The following SLC12A7 variants were observed in gnomAD, a reference collection of about 807,000 sequenced individuals.
The protein encoded by SLC12A7 is K-Cl cotransporter 4.
Under a neutral mutation model 120.6 loss-of-function variants are expected in SLC12A7, and 100 were observed. That is an observed-to-expected ratio of 0.83 (90% CI 0.71 to 0.98). The LOEUF is 0.98. SLC12A7 is among the 50% of genes least tolerant of loss of function. The pLI is 0.00. For synonymous variants in SLC12A7, 760 were observed against 678.0 expected (o/e 1.12, Z -1.88); for missense variants, 1,373 against 1,548.1 (o/e 0.89, Z 1.90).
intron 15 of SLC12A7, among the ~76,000 whole-genome samples, chr5:1,074,970 C>T (rs573016680): frequency 1.9e-4 from 27 of 145,202 alleles, no homozygotes; most frequent in Non-Finnish European, 2.7e-4. Context: ...GGCTGGACCC[C>T]GGGCACGAGG....
At chr5:1,062,422 C>T (rs1736391625) in intron 20 of SLC12A7, among the ~76,000 whole-genome samples, 1 of 152,240 alleles carries the variant, frequency 6.6e-6, no homozygotes, top group African/African-American at 2.4e-5. Flanking sequence ...GAAGACACAG[C>T]CACATGGAAA....
intron 17 of SLC12A7, among the ~76,000 whole-genome samples, chr5:1,065,976 G>T (rs1215254950): frequency 1.3e-5 from 2 of 152,158 alleles, no homozygotes; most frequent in Admixed American, 6.5e-5. Context: ...GTTGGAGGGG[G>T]TCACTGCTGT....
chr5:1,095,447 C>T (rs1014632836), intron 1 of SLC12A7, among the ~76,000 whole-genome samples: 8 of 152,204 alleles, frequency 5.3e-5, no homozygotes, highest in Admixed American at 2.6e-4. Context: ...CCCACGCACC[C>T]CAGGGCCCTC....
the SLC12A7 span, among the ~76,000 whole-genome samples, chr5:1,128,655 C>T: frequency 6.6e-6 from 1 of 152,208 alleles, no homozygotes; most frequent in Non-Finnish European, 1.5e-5. Context: ...CCAGGTGGCC[C>T]ATGGGTATTG....
At chr5:1,138,561 G>A in the SLC12A7 span, among the ~76,000 whole-genome samples, 14 of 152,180 alleles carry the variant, frequency 9.2e-5, no homozygotes, top group African/African-American at 3.1e-4. Context: ...CTCCTCGTCT[G>A]TTTCTGATTT....
intron 4 of SLC12A7, 141 bp downstream of exon 4, chr5:1,088,841 T>C (rs1454277968): frequency 1.9e-6 from 2 of 1,072,988 alleles, no homozygotes; most frequent in African/African-American, 3.1e-5. Context: ...TACACGGGCG[T>C]CTGGGGAGGG....
chr5:1,064,881 CGAGGAGATGGT>C (rs1736812141), intron 18 of SLC12A7, among the ~76,000 whole-genome samples: 7 of 110,574 alleles, frequency 6.3e-5, no homozygotes, highest in African/African-American at 2.6e-4. Flanking sequence ...GAGGGGACGG[CGAGGAGATGGT>C]GAGGGGACCG....
At chr5:1,102,623 G>A (rs995586487) in intron 1 of SLC12A7, among the ~76,000 whole-genome samples, 4 of 152,178 alleles carry the variant, frequency 2.6e-5, no homozygotes, top group African/African-American at 7.2e-5. Context: ...GAGCAGTGGC[G>A]GGTGGCACCG....
intron 1 of SLC12A7, among the ~76,000 whole-genome samples, chr5:1,105,297 C>T (rs538292586): frequency 1.3e-5 from 2 of 148,950 alleles, no homozygotes; most frequent in African/African-American, 4.9e-5. Flanking sequence ...CAGTCACCCA[C>T]CAGTCAAAAG....
chr5:1,059,342 T>C (rs1735947316), intron 21 of SLC12A7, among the ~76,000 whole-genome samples: 1 of 152,198 alleles, frequency 6.6e-6, no homozygotes, highest in African/African-American at 2.4e-5. Context: ...TCAGCACATA[T>C]GGCCCCACAC....
rs780126009 is a variant in SLC12A7 at position 1,083,765 on chromosome 5, G to A, written c.1109C>T (p.Ala370Val). ...NVTEIQGIPG[A>V]ASGVFLENLW... Reference sequence around the variant, plus strand: ...CTCACCCAGGAAGACACCACTGGCCGCGCCCGGGATGCCCTGGATTTCGGT... The same window carrying A: ...CTCACCCAGGAAGACACCACTGGCCACGCCCGGGATGCCCTGGATTTCGGT... The change falls in exon 8 of 24, where the codon GCG becomes GTG. Residue 370 changes from alanine to valine, a missense_variant. Ala to Val is a moderately conservative substitution (Grantham distance 64, BLOSUM62 0). Transcript: ENST00000264930. 3.2e-5 allele frequency: 52 copies of A among 1,612,406 alleles called. No individual in the cohort carries two copies. The highest frequency in any genetic ancestry group is 2.3e-4 in the South Asian group (21 of 91,074).
chr5:1,089,605 G>A (rs1229783298), intron 3 of SLC12A7, among the ~76,000 whole-genome samples: 2 of 149,958 alleles, frequency 1.3e-5, no homozygotes, highest in African/African-American at 4.9e-5. Flanking sequence ...ACAGCTCAGC[G>A]TCGGCCCTGG....
intron 22 of SLC12A7, among the ~76,000 whole-genome samples, chr5:1,055,318 T>C (rs1386863467): frequency 6.6e-6 from 1 of 152,190 alleles, no homozygotes; most frequent in African/African-American, 2.4e-5. Context: ...CTAACGTACG[T>C]GGACGTGCAC....
At position 1,074,443 on chromosome 5, in the gene SLC12A7, C is replaced by CT. The variant is rs1738090450; in HGVS notation, c.2072+123_2072+124insA. On this transcript the variant is annotated intron_variant, in intron 16 of 23. Coordinates refer to ENST00000264930, the MANE Select transcript of SLC12A7 (RefSeq NM_006598.3). ...CTCTGCACCAGGCAGTGTTCACACCCCAGACCTTGCCTGAGCGGCTGAAGG... is the reference window on the plus strand; with the variant it reads ...CTCTGCACCAGGCAGTGTTCACACCCTCAGACCTTGCCTGAGCGGCTGAAGG... 4 of 860,064 alleles carry CT rather than the reference C, an allele frequency of 4.7e-6. No individual in the cohort carries two copies. The African/African-American group carries it at 6.7e-5, about 14-fold the overall frequency. 53.3% of individuals were successfully genotyped at this position (860,064 alleles called of 1,614,324 possible).
chr5:1,143,505 C>A, the SLC12A7 span, among the ~76,000 whole-genome samples: 4 of 152,330 alleles, frequency 2.6e-5, no homozygotes, highest in Admixed American at 2.0e-4. Context: ...TGGGTCAGGG[C>A]CTTCCTCACA....
At position 1,085,321 on chromosome 5, in the gene SLC12A7, C is replaced by T; in HGVS notation, c.828G>A (p.Leu276=). 6.2e-7 allele frequency: 1 copy of T among 1,612,600 alleles called. No homozygotes were observed. The change falls in exon 7 of 24, where the codon CTG becomes CTA. Residue 276 remains leucine (L), a synonymous_variant. Coordinates refer to ENST00000264930, the MANE Select transcript of SLC12A7 (RefSeq NM_006598.3). ...CGACGCAGGCCAGGAAGACCAGCGC[C>T]AGCTTGTTGACATACTTGACGCCCA... The part of the protein sequence containing the change: ...VFVGVKYVNK[L]ALVFLACVVL...
In SLC12A7 at chr5:1,053,529, G is replaced by A. The variant is rs552921329; in HGVS notation, c.3027-47C>T. The A allele has an allele frequency of 5.4e-5, 87 of 1,599,800 alleles. 1 individual carries two copies. Among genetic ancestry groups the A allele is most frequent in the South Asian group, 5.2e-4 (46 of 88,898 alleles). On this transcript the variant is annotated intron_variant, in intron 22 of 23. Transcript: ENST00000264930. ...TCAGCGGGCGGCGGGTGCACCCCAC[G>A]CTCCGGACACGAGGCTGAGCTGAGC...
chr5:1,057,713 G>A (rs935586879), intron 21 of SLC12A7, 64 bp from the exon 22 acceptor site: 104 of 1,475,286 alleles, frequency 7.0e-5, no homozygotes, highest in Middle Eastern at 2.4e-4. Flanking sequence ...AGAGCGACCC[G>A]GGATGCCAGG....
At chr5:1,140,275 C>T in the SLC12A7 span, among the ~76,000 whole-genome samples, 1 of 152,238 alleles carries the variant, frequency 6.6e-6, no homozygotes, top group Non-Finnish European at 1.5e-5. Context: ...TGGCCCTGCC[C>T]CAGCCAGCAC....
Sources: allele counts gnomAD v4.1 joint callset (sites outside exome capture counted in the v4.1 genomes callset), GRCh38; gene constraint gnomAD v4.1.1; transcripts MANE v1.5; gene names NCBI Gene and HGNC (gene_info 2026-07-23, HGNC 2026-07-21).